NAV1: variants seen among roughly 807,000 people sequenced by gnomAD.
NAV1 encodes the protein pore membrane and/or filament interacting like protein 3.
In NAV1, 18 loss-of-function variants were observed where a neutral mutation model predicts 175.2. The observed-to-expected ratio is 0.10, with a 90% confidence interval of 0.07 to 0.15. The LOEUF (loss-of-function observed/expected upper bound fraction) is 0.15, where lower values mean the gene tolerates loss of function less well. Among genes scored for constraint, NAV1 ranks in the 10% least tolerant of loss-of-function variants. The pLI, the probability that NAV1 is intolerant of heterozygous loss-of-function variation, is 1.00. For missense variants in NAV1, 1,731 were observed against 2,436.6 expected (o/e 0.71, Z 6.10); for synonymous variants, 897 against 978.7 (o/e 0.92, Z 1.56).
intron 2 of NAV1, among the ~76,000 whole-genome samples, chr1:201,591,930 T>G (rs977359669): frequency 6.6e-6 from 1 of 152,114 alleles, no homozygotes; most frequent in African/African-American, 2.4e-5. Context: ...GATATCAAAA[T>G]TGCCACCTGG....
At chr1:201,794,784 T>C (rs481530) in intron 15 of NAV1, 364,199 of 577,762 alleles carry the variant, frequency 0.63, 120,432 homozygotes, top group South Asian at 0.76. Flanking sequence ...TGAAGGCAAG[T>C]AGAGGAGACC....
chr1:201,623,707 A>G, intron 1 of NAV1, 101 bp downstream of exon 3: 1 of 973,690 alleles, frequency 1.0e-6, no homozygotes, highest in Non-Finnish European at 1.2e-6. Context: ...GTGGCTGGTA[A>G]AGACCAGAGG....
chr1:201,790,172 T>G (rs1193695694), intron 11 of NAV1, among the ~76,000 whole-genome samples: 1 of 152,184 alleles, frequency 6.6e-6, no homozygotes, highest in Non-Finnish European at 1.5e-5. Context: ...ACCAAGTGTT[T>G]ATTGTGGGGC....
intron 1 of NAV1, among the ~76,000 whole-genome samples, chr1:201,626,429 C>T (rs1313264185): frequency 1.3e-5 from 2 of 152,212 alleles, no homozygotes; most frequent in Non-Finnish European, 1.5e-5. Context: ...CATCTTCTCC[C>T]CTGCCCCATC....
intron 3 of NAV1, among the ~76,000 whole-genome samples, chr1:201,736,366 C>T (rs1673112717): frequency 6.6e-6 from 1 of 152,200 alleles, no homozygotes; most frequent in African/African-American, 2.4e-5. Context: ...GAATTTAGAG[C>T]ACACCAAACT....
At chr1:201,597,593 T>C (rs1409708785) in intron 2 of NAV1, among the ~76,000 whole-genome samples, 2 of 152,044 alleles carry the variant, frequency 1.3e-5, no homozygotes, top group Non-Finnish European at 2.9e-5. Flanking sequence ...AGGGCCAAGC[T>C]GGGAGTCCAT....
chr1:201,766,051 T>C (rs1675191889), intron 3 of NAV1, among the ~76,000 whole-genome samples: 1 of 152,204 alleles, frequency 6.6e-6, no homozygotes, highest in African/African-American at 2.4e-5. Flanking sequence ...TTACTGCCAA[T>C]ATATCAAGGG....
chr1:201,734,703 A>AAC (rs954796726), intron 3 of NAV1, among the ~76,000 whole-genome samples: 1 of 151,788 alleles, frequency 6.6e-6, no homozygotes, highest in Non-Finnish European at 1.5e-5. Context: ...TACACACACA[A>AAC]ACACACACAC....
At position 201,718,557 on chromosome 1, in the gene NAV1, C is replaced by G. The variant is rs1245990434; in HGVS notation, c.1028C>G (p.Pro343Arg). ...GGGAGCTGCCGCTCGGAGGGGACGC[C>G]CGCCTGGTACATGCACGGCGAACGG... The change falls in exon 3 of 30, where the codon CCC (proline) becomes CGC (arginine). Residue 343 changes from proline (P) to arginine (R), a missense_variant. Transcript: ENST00000367296. The surrounding 1 kb of genome is among the most constrained non-coding windows in gnomAD (Gnocchi z 4.8). The G allele has an allele frequency of 1.9e-6, 3 of 1,613,744 alleles. No individual in the cohort carries two copies. Among genetic ancestry groups the G allele is most frequent in the Non-Finnish European group, 2.5e-6 (3 of 1,179,888 alleles).
intron 2 of NAV1, 112 bp downstream of exon 6, chr1:201,713,031 G>A: frequency 5.6e-6 from 4 of 720,718 alleles, no homozygotes; most frequent in Non-Finnish European, 1.0e-5. Flanking sequence ...CAGCCAGGTG[G>A]CCTGATGCGT....
chr1:201,710,647 G>GAT (rs1351710638), intron 1 of NAV1, among the ~76,000 whole-genome samples: 1 of 152,178 alleles, frequency 6.6e-6, no homozygotes, highest in Non-Finnish European at 1.5e-5. Context: ...GATGCCCTGT[G>GAT]ATATATCAAG....
chr1:201,757,664 G>A (rs1475127958), intron 3 of NAV1, among the ~76,000 whole-genome samples: 1 of 152,150 alleles, frequency 6.6e-6, no homozygotes, highest in Non-Finnish European at 1.5e-5. Flanking sequence ...AGCTGACCAG[G>A]GGCATCTGCC....
chr1:201,738,384 T>A (rs1037218017), intron 3 of NAV1, among the ~76,000 whole-genome samples: 4 of 151,978 alleles, frequency 2.6e-5, no homozygotes, highest in African/African-American at 9.7e-5. Context: ...GAAACAGAGG[T>A]CCCTCTGCTG....
At chr1:201,731,200 G>A (rs181283452) in intron 3 of NAV1, among the ~76,000 whole-genome samples, 7 of 152,032 alleles carry the variant, frequency 4.6e-5, no homozygotes, top group Admixed American at 6.5e-5. Flanking sequence ...GAGTCAGCAC[G>A]TTCGTGATGT....
At chr1:201,552,254 T>G (rs777978492) in intron 1 of NAV1, among the ~76,000 whole-genome samples, 4 of 152,212 alleles carry the variant, frequency 2.6e-5, no homozygotes, top group Non-Finnish European at 5.9e-5. Context: ...CCACTCTGAG[T>G]TGGCCGCTCT....
At position 201,783,878 on chromosome 1, in the gene NAV1, C is replaced by A. The variant is rs145091220; in HGVS notation, c.2804+26C>A. Reference sequence around the variant, plus strand: ...GTAGGTAGAAAAGACAGCAGAACCTCGGCCTGTCTCCGTGTCTTGGGCTCA... The same window carrying A: ...GTAGGTAGAAAAGACAGCAGAACCTAGGCCTGTCTCCGTGTCTTGGGCTCA... On this transcript the variant is annotated intron_variant, in intron 7 of 29. Coordinates refer to ENST00000367296, the Ensembl canonical transcript of NAV1. The A allele has an allele frequency of 1.3e-3, 2,098 of 1,573,964 alleles. 28 individuals are homozygous for A. The African/African-American group carries it at 0.025, about 19-fold the overall frequency.
intron 15 of NAV1, among the ~76,000 whole-genome samples, chr1:201,798,984 G>A (rs184934279): frequency 6.3e-4 from 96 of 151,970 alleles, no homozygotes; most frequent in African/African-American, 2.2e-3. Context: ...TTATAGACAT[G>A]AGCCACCGTG....
chr1:201,614,390 C>A (rs1303708501), intron 2 of NAV1, among the ~76,000 whole-genome samples: 1 of 152,194 alleles, frequency 6.6e-6, no homozygotes, highest in Non-Finnish European at 1.5e-5. Flanking sequence ...CTGCTGCGGG[C>A]GCCTCAAGGG....
At chr1:201,549,148 TTC>T (rs1165169236) in intron 1 of NAV1, among the ~76,000 whole-genome samples, 1 of 148,442 alleles carries the variant, frequency 6.7e-6, no homozygotes, top group African/African-American at 2.5e-5. Context: ...TCTTTCTTCT[TTC>T]TCTCTCTCTC....
Sources: gnomAD v4.1 joint callset for allele counts (sites outside exome capture counted in the v4.1 genomes callset) on GRCh38, gnomAD v4.1.1 for gene constraint, Gnocchi (gnomAD v3.1) non-coding constraint, MANE v1.5 for transcripts, NCBI Gene and HGNC (gene_info 2026-07-23, HGNC 2026-07-21) for gene names.